Variants in RANBP2 observed in about 807,000 individuals in gnomAD.
RANBP2 encodes E3 SUMO-protein ligase RanBP2.
A neutral mutation model predicts 303.6 loss-of-function variants in RANBP2; 57 were observed. That is an observed-to-expected ratio of 0.19 (90% CI 0.15 to 0.23). RANBP2 has a LOEUF of 0.23. Among genes scored for constraint, RANBP2 ranks in the 10% least tolerant of loss-of-function variants. The pLI, the probability that RANBP2 is intolerant of heterozygous loss-of-function variation, is 1.00. For missense variants in RANBP2, 3,138 were observed against 3,780.8 expected (o/e 0.83, Z 4.46); for synonymous variants, 1,167 against 1,301.5 (o/e 0.90, Z 2.23).
chr2:109,149,073 T>C, the RANBP2 span, among the ~76,000 whole-genome samples: 7 of 152,178 alleles, frequency 4.6e-5, no homozygotes, highest in African/African-American at 9.7e-5. Context: ...GAGGCTTCAA[T>C]TGAGTGCCTC....
chr2:109,464,676 TA>T, the RANBP2 span, among the ~76,000 whole-genome samples: 1 of 152,168 alleles, frequency 6.6e-6, no homozygotes, highest in Non-Finnish European at 1.5e-5. Flanking sequence ...AGAACAAATT[TA>T]GGTTCAGAGA....
chr2:108,848,707 A>G, the RANBP2 span, among the ~76,000 whole-genome samples: 1 of 152,224 alleles, frequency 6.6e-6, no homozygotes, highest in Admixed American at 6.5e-5. Flanking sequence ...AAACAGCAAC[A>G]CTGGGGCAGA....
chr2:109,461,448 G>A, the RANBP2 span, among the ~76,000 whole-genome samples: 3 of 141,358 alleles, frequency 2.1e-5, no homozygotes, highest in Non-Finnish European at 4.6e-5. Context: ...GACCTGCGCG[G>A]TGATCCACCT....
At chr2:109,694,373 T>C in the RANBP2 span, among the ~76,000 whole-genome samples, 5 of 151,584 alleles carry the variant, frequency 3.3e-5, no homozygotes, top group African/African-American at 1.2e-4. Context: ...ATGGTTCCTC[T>C]ACAGCCTGCA....
chr2:109,132,151 TTAAC>T, the RANBP2 span, among the ~76,000 whole-genome samples: 1 of 152,232 alleles, frequency 6.6e-6, no homozygotes, highest in African/African-American at 2.4e-5. Flanking sequence ...GGGCACTTAT[TTAAC>T]TAATATGCCA....
chr2:109,094,189 G>C, the RANBP2 span, among the ~76,000 whole-genome samples: 2 of 152,176 alleles, frequency 1.3e-5, no homozygotes, highest in Admixed American at 6.5e-5. Flanking sequence ...CCCCCAATGA[G>C]AGATGAGACT....
At chr2:109,170,788 C>T in the RANBP2 span, among the ~76,000 whole-genome samples, 1,443 of 152,312 alleles carry the variant, frequency 9.5e-3, 32 homozygotes, top group African/African-American at 0.032. Context: ...CTGTTTCTCT[C>T]AGGAAGCTGA....
At chr2:108,725,820 T>C (rs1694656561) in intron 1 of RANBP2, among the ~76,000 whole-genome samples, 1 of 140,046 alleles carries the variant, frequency 7.1e-6, no homozygotes, top group African/African-American at 3.0e-5. Context: ...GCTGTAGTTC[T>C]TTTTTTTTTT....
At chr2:108,954,627 T>C in the RANBP2 span, among the ~76,000 whole-genome samples, 1 of 152,092 alleles carries the variant, frequency 6.6e-6, no homozygotes, top group Non-Finnish European at 1.5e-5. Flanking sequence ...CTTTCCTCTG[T>C]CACATTCCCT....
the RANBP2 span, among the ~76,000 whole-genome samples, chr2:108,951,631 C>T: frequency 3.3e-5 from 5 of 152,072 alleles, no homozygotes; most frequent in African/African-American, 1.2e-4. Flanking sequence ...GGCACTGGAT[C>T]AGGATGGGGC....
chr2:108,880,948 G>A, the RANBP2 span, among the ~76,000 whole-genome samples: 18 of 152,302 alleles, frequency 1.2e-4, no homozygotes, highest in South Asian at 3.5e-3. Context: ...ATTCATGAGA[G>A]AAGTTCAAAA....
chr2:109,550,066 G>A, the RANBP2 span, among the ~76,000 whole-genome samples: 1 of 151,768 alleles, frequency 6.6e-6, no homozygotes, highest in African/African-American at 2.4e-5. Flanking sequence ...CGAGGCAGGC[G>A]GATAACGTGA....
At chr2:108,911,793 C>T in the RANBP2 span, among the ~76,000 whole-genome samples, 1 of 152,174 alleles carries the variant, frequency 6.6e-6, no homozygotes, top group Non-Finnish European at 1.5e-5. Context: ...TCTGAAGCTC[C>T]CAAATCATCT....
chr2:109,551,047 A>T, the RANBP2 span, among the ~76,000 whole-genome samples: 2 of 152,360 alleles, frequency 1.3e-5, no homozygotes, highest in Middle Eastern at 3.4e-3. Flanking sequence ...GTATATAGGA[A>T]ATCCGTCTGT....
At chr2:108,948,112 A>G in the RANBP2 span, among the ~76,000 whole-genome samples, 3 of 152,282 alleles carry the variant, frequency 2.0e-5, no homozygotes, top group South Asian at 6.2e-4. Context: ...ATCTCTCTCA[A>G]TTTCAAAGTT....
the RANBP2 span, among the ~76,000 whole-genome samples, chr2:109,475,257 G>A: frequency 2.0e-5 from 3 of 152,212 alleles, no homozygotes; most frequent in Admixed American, 6.5e-5. Context: ...GATTACAGGC[G>A]TGAGCCACCA....
chr2:108,865,137 A>G, the RANBP2 span, among the ~76,000 whole-genome samples: 1 of 151,966 alleles, frequency 6.6e-6, no homozygotes, highest in African/African-American at 2.4e-5. Context: ...TAAGTTTTAT[A>G]TATATTTTAT....
At chr2:109,462,373 TGTG>T in the RANBP2 span, among the ~76,000 whole-genome samples, 1 of 151,886 alleles carries the variant, frequency 6.6e-6, no homozygotes, top group East Asian at 1.9e-4. Flanking sequence ...TACCAAGAGG[TGTG>T]GTGGATTAAT....
At chr2:109,548,709 G>A in the RANBP2 span, among the ~76,000 whole-genome samples, 3 of 148,664 alleles carry the variant, frequency 2.0e-5, no homozygotes, top group Admixed American at 6.8e-5. Context: ...CCGGGAGGCC[G>A]AGGTTGCAGT....
Sources: allele counts gnomAD v4.1 joint callset (sites outside exome capture counted in the v4.1 genomes callset), GRCh38; gene constraint gnomAD v4.1.1; transcripts MANE v1.5; gene names NCBI Gene and HGNC (gene_info 2026-07-23, HGNC 2026-07-21).